Variants in SHLD1 observed in about 807,000 individuals in gnomAD.
The protein encoded by SHLD1 is shieldin complex subunit 1.
In SHLD1, 3 loss-of-function variants were observed where a neutral mutation model predicts 5.5. The ratio of observed to expected loss-of-function variants is 0.54; its 90% CI spans 0.25 to 1.40. SHLD1 has a LOEUF of 1.40. Among genes scored for constraint, SHLD1 ranks in the 40% most tolerant of loss-of-function variants. SHLD1 has a pLI of 0.15. For missense variants in SHLD1, 210 were observed against 244.4 expected, an observed-to-expected ratio of 0.86 and a Z score of 0.94; for synonymous variants, 92 against 94.3, an observed-to-expected ratio of 0.98 and a Z score of 0.14.
chr20:5,852,742 A>G (rs1172841231), intron 2 of SHLD1, among the ~76,000 whole-genome samples: 1 of 152,176 alleles, frequency 6.6e-6, no homozygotes, highest in Non-Finnish European at 1.5e-5. Flanking sequence ...GAGCCACTGC[A>G]TCTGGCCTCA....
intron 2 of SHLD1, among the ~76,000 whole-genome samples, chr20:5,840,309 C>T (rs1033222557): frequency 2.0e-5 from 3 of 152,082 alleles, no homozygotes; most frequent in African/African-American, 7.2e-5. Context: ...TATTCCAATC[C>T]CCTTTTAGCT....
In SHLD1 at chr20:5,855,466, C is replaced by T. The variant is rs570002712; in HGVS notation, c.179-7558C>T. Among the ~76,000 whole-genome samples, 131 of 152,176 alleles carry T rather than the reference C, an allele frequency of 8.6e-4. No individual in the cohort carries two copies. Among genetic ancestry groups the T allele is most frequent in the Admixed American group, 2.3e-3 (35 of 15,282 alleles). The stretch of plus-strand genomic sequence containing the variant: ...GGCTCATGGCAACCTCCACCTCCCG[C>T]GTTCAAGAGATTCTTGTGCCTCAGC... On this transcript the variant is annotated intron_variant, in intron 2 of 2. Transcript: ENST00000303142. This position sits in a 1 kb window ranked among gnomAD's most constrained non-coding sequence, Gnocchi z 4.4.
At position 5,863,239 on chromosome 20, in the gene SHLD1, C is replaced by T. The variant is rs773737282; in HGVS notation, c.394C>T (p.Leu132=). The T allele has an allele frequency of 2.0e-5, 32 of 1,614,220 alleles. No individual in the cohort carries two copies. The highest frequency in any genetic ancestry group is 2.6e-5 in the Non-Finnish European group (31 of 1,180,048). ...CKCLSQKITQ[L]RGQESQKYAL... ...GTGCCTGTCTCAGAAAATCACTCAA[C>T]TAAGAGGCCAGGAGAGCCAAAAGTA... The change falls in exon 3 of 3, where the codon CTA becomes TTA. Residue 132 remains leucine, a synonymous_variant. Transcript: ENST00000303142.
In SHLD1 at chr20:5,772,943, A is replaced by G; in HGVS notation, c.78A>G (p.Ile26Met). Reference sequence around the variant, plus strand: ...TGGACCTGCCATCAGCGTGTGACATAAGAGATTACGTCCTGCAGGGACCCA... The same window carrying G: ...TGGACCTGCCATCAGCGTGTGACATGAGAGATTACGTCCTGCAGGGACCCA... ...SALDLPSACDIRDYVLQGPSQ... is the reference protein window; with the variant it reads ...SALDLPSACDMRDYVLQGPSQ... The change falls in exon 2 of 3, where the codon ATA becomes ATG. Residue 26 changes from isoleucine to methionine, a missense_variant. Physicochemically the swap from Ile to Met is conservative, Grantham distance 10. Coordinates refer to ENST00000303142, the MANE Select transcript of SHLD1 (RefSeq NM_152504.4). 1 of 1,614,146 alleles carries G rather than the reference A, an allele frequency of 6.2e-7. No individual in the cohort carries two copies. The highest frequency in any genetic ancestry group is 8.5e-7 in the Non-Finnish European group (1 of 1,180,014).
At chr20:5,849,427 A>G (rs1022351124) in intron 2 of SHLD1, among the ~76,000 whole-genome samples, 2 of 152,232 alleles carry the variant, frequency 1.3e-5, no homozygotes, top group Non-Finnish European at 2.9e-5. Flanking sequence ...GTGGAGGTTT[A>G]GCCAAAAACA....
intron 1 of SHLD1, among the ~76,000 whole-genome samples, chr20:5,763,290 C>CAAAAAAAAAAAAAAAAAAAAAAAAAAA (rs57863188): frequency 1.7e-5 from 1 of 58,120 alleles, no homozygotes; most frequent in Non-Finnish European, 3.4e-5. Context: ...AACTCCATCT[C>CAAAAAAAAAAAAAAAAAAAAAAAAAAA]AAAAAAAAAA....
At chr20:5,763,437 T>C (rs1358977588) in intron 1 of SHLD1, among the ~76,000 whole-genome samples, 1 of 152,172 alleles carries the variant, frequency 6.6e-6, no homozygotes, top group East Asian at 1.9e-4. Flanking sequence ...CTGTCTTTCC[T>C]TTTGTTCCTA....
intron 2 of SHLD1, among the ~76,000 whole-genome samples, chr20:5,859,003 A>C (rs543007631): frequency 1.3e-5 from 2 of 152,316 alleles, no homozygotes; most frequent in South Asian, 4.1e-4. Context: ...ATAAAAAGGC[A>C]AGTTCCATTC....
At position 5,788,626 on chromosome 20, in the gene SHLD1, T is replaced by G. The variant is rs929239589; in HGVS notation, c.178+15583T>G. ...GTACCAGATGTGTGTTAAACCTTTC[T>G]CATTTGTTCTTTGCAGAGTTCTGTG... On this transcript the variant is annotated intron_variant, in intron 2 of 2. Coordinates refer to ENST00000303142, the MANE Select transcript of SHLD1 (RefSeq NM_152504.4). Among the ~76,000 whole-genome samples the G allele has an allele frequency of 4.6e-5, 7 of 152,218 alleles. No individual in the cohort carries two copies. The East Asian group carries it at 1.3e-3, about 29-fold the overall frequency.
chr20:5,845,148 G>A (rs73081247), intron 2 of SHLD1, among the ~76,000 whole-genome samples: 6,624 of 152,144 alleles, frequency 0.044, 213 homozygotes, highest in Non-Finnish European at 0.07. Flanking sequence ...AATCCCAGAC[G>A]TTAAAGAACA....
chr20:5,845,535 A>T (rs1014103509), intron 2 of SHLD1, among the ~76,000 whole-genome samples: 1 of 152,252 alleles, frequency 6.6e-6, no homozygotes, highest in Non-Finnish European at 1.5e-5. Flanking sequence ...CTTACAAGGT[A>T]ACATATTTGA....
In SHLD1 at chr20:5,863,701, G is replaced by T. The variant is rs2088194499; in HGVS notation, c.*238G>T. On this transcript the variant is annotated 3_prime_UTR_variant, in exon 3 of 3. Transcript: ENST00000303142. ...TTGGCCAAGGCCGCTGACTGACTGGGCTACGAGTCAAAAGCCCAGCTCCCT... is the reference window on the plus strand; with the variant it reads ...TTGGCCAAGGCCGCTGACTGACTGGTCTACGAGTCAAAAGCCCAGCTCCCT... 2.1e-6 allele frequency: 1 copy of T among 472,664 alleles called. No homozygotes were observed. The highest frequency in any genetic ancestry group is 3.9e-5 in the Admixed American group (1 of 25,944). The allele number at this position is 472,664 out of a possible 1,614,324, so 29.3% of individuals were successfully genotyped here.
intron 2 of SHLD1, among the ~76,000 whole-genome samples, chr20:5,804,550 T>C (rs1287029): frequency 0.16 from 24,092 of 152,138 alleles, 2,164 homozygotes; most frequent in Non-Finnish European, 0.21. Flanking sequence ...TATGTGACCG[T>C]ACAAGAACAT....
chr20:5,852,235 T>C (rs2088020233), intron 2 of SHLD1, among the ~76,000 whole-genome samples: 1 of 152,194 alleles, frequency 6.6e-6, no homozygotes, highest in Non-Finnish European at 1.5e-5. Context: ...TACAATATTA[T>C]TTTTTCATCC....
At chr20:5,803,060 A>G (rs1161572004) in intron 2 of SHLD1, among the ~76,000 whole-genome samples, 1 of 152,198 alleles carries the variant, frequency 6.6e-6, no homozygotes, top group Non-Finnish European at 1.5e-5. Context: ...TATACAGTCA[A>G]TAAGCAACTC....
intron 2 of SHLD1, among the ~76,000 whole-genome samples, chr20:5,835,082 T>A (rs1314581444): frequency 1.3e-5 from 2 of 152,194 alleles, no homozygotes; most frequent in East Asian, 3.9e-4. Flanking sequence ...TGGAGTCCTT[T>A]TTTTTCATGG....
chr20:5,780,955 T>C (rs1241514389), intron 2 of SHLD1, among the ~76,000 whole-genome samples: 2 of 152,160 alleles, frequency 1.3e-5, no homozygotes, highest in Admixed American at 1.3e-4. Flanking sequence ...ACATGAGACT[T>C]AAGAGCACTT....
intron 2 of SHLD1, among the ~76,000 whole-genome samples, chr20:5,817,432 C>CTCTGTGTGTGTGTG (rs1473391202): frequency 2.2e-4 from 19 of 85,588 alleles, no homozygotes; most frequent in African/African-American, 3.3e-4. Context: ...CTCTCTCTCT[C>CTCTGTGTGTGTGTG]TGTGTGTGTG....
intron 2 of SHLD1, among the ~76,000 whole-genome samples, chr20:5,860,511 A>G (rs557201890): frequency 1.3e-5 from 2 of 152,292 alleles, no homozygotes; most frequent in South Asian, 2.1e-4. Flanking sequence ...CATTACTACC[A>G]TCTAATCCTC....
Sources: gnomAD v4.1 joint callset for allele counts (sites outside exome capture counted in the v4.1 genomes callset) on GRCh38, gnomAD v4.1.1 for gene constraint, Gnocchi (gnomAD v3.1) non-coding constraint, MANE v1.5 for transcripts, NCBI Gene and HGNC (gene_info 2026-07-23, HGNC 2026-07-21) for gene names.